CMYA5: variants seen among roughly 807,000 people sequenced by gnomAD.
The protein encoded by CMYA5 is cardiomyopathy associated 5.
In CMYA5, 246 loss-of-function variants were observed where a neutral mutation model predicts 318.9. The ratio of observed to expected loss-of-function variants is 0.77; its 90% CI spans 0.70 to 0.86. CMYA5 has a LOEUF of 0.86. CMYA5 is among the 40% of genes least tolerant of loss of function. The pLI is 0.00. For missense variants in CMYA5, 4,589 were observed against 4,678.2 expected, an observed-to-expected ratio of 0.98 and a Z score of 0.56; for synonymous variants, 1,641 against 1,729.5, an observed-to-expected ratio of 0.95 and a Z score of 1.27.
rs1411560491 is a variant in CMYA5 at position 79,733,713 on chromosome 5, G to GGATC, written c.4949_4952dup (p.Gly1653HisfsTer12). On this transcript the variant is annotated frameshift_variant, in exon 2 of 13. Transcript: ENST00000446378. LOFTEE classifies it high-confidence loss of function. ...TTCTAGTGATTTAGGTAGACAAAGT[G>GGATC]GATCCATAGGTACAAAACAAGCAAA... The GGATC allele has an allele frequency of 1.2e-6, 2 of 1,613,678 alleles. No homozygotes were observed. The highest frequency in any genetic ancestry group is 1.7e-6 in the Non-Finnish European group (2 of 1,179,820).
chr5:79,784,603 T>C (rs1207584946), intron 9 of CMYA5, among the ~76,000 whole-genome samples: 2 of 88,456 alleles, frequency 2.3e-5, no homozygotes, highest in Admixed American at 1.2e-4. Flanking sequence ...GAGCCAGGTG[T>C]GGGATATAGT....
chr5:79,729,817 C>G lies in CMYA5; in HGVS notation c.1052C>G (p.Ala351Gly), dbSNP rs748580571. The G allele has an allele frequency of 5.6e-6, 9 of 1,613,480 alleles. No individual in the cohort carries two copies. The South Asian group carries it at 9.9e-5, about 18-fold the overall frequency. ...TVPSYSSSGR[A>G]EQGIQLRHSQ... ...CCCTCTTATTCAAGTAGTGGCAGAG[C>G]AGAACAAGGAATACAGCTCAGGCAT... Residue 351 changes from alanine to glycine, a missense_variant, in exon 2 of 13, where the codon GCA becomes GGA. Around this residue, in one of 3 missense-constraint regions of CMYA5, gnomAD observed 2,132 missense variants for 2,131.3 expected, o/e 1.00. Coordinates refer to ENST00000446378, the MANE Select transcript of CMYA5 (RefSeq NM_153610.5).
At position 79,734,753 on chromosome 5, in the gene CMYA5, A is replaced by G. The variant is rs1417081613; in HGVS notation, c.5988A>G (p.Leu1996=). 2 of 1,613,840 alleles carry G rather than the reference A, an allele frequency of 1.2e-6. No individual in the cohort carries two copies. Among genetic ancestry groups the G allele is most frequent in the Non-Finnish European group, 1.7e-6 (2 of 1,179,812 alleles). ...CTGAAGAACCAAAGTCTTTAGTCCT[A>G]GCTGGAAATGTAGAGAGAAACATAG... ...KLAEEPKSLV[L]AGNVERNIAE... The change falls in exon 2 of 13, where the codon CTA becomes CTG. Residue 1996 remains leucine, a synonymous_variant. Coordinates refer to ENST00000446378, the MANE Select transcript of CMYA5 (RefSeq NM_153610.5).
intron 1 of CMYA5, among the ~76,000 whole-genome samples, chr5:79,715,817 A>G (rs1827505528): frequency 6.6e-6 from 1 of 152,214 alleles, no homozygotes; most frequent in Non-Finnish European, 1.5e-5. Context: ...CAACTCATAG[A>G]CATTTTTGCA....
chr5:79,798,645 C>A (rs1249345417), intron 12 of CMYA5, among the ~76,000 whole-genome samples: 2 of 152,152 alleles, frequency 1.3e-5, no homozygotes, highest in Non-Finnish European at 2.9e-5. Context: ...CTGCTCCATA[C>A]AGTATGGGAT....
chr5:79,726,960 G>C (rs1000111830), intron 1 of CMYA5, among the ~76,000 whole-genome samples: 1 of 128,206 alleles, frequency 7.8e-6, no homozygotes, highest in African/African-American at 3.4e-5. Flanking sequence ...TTGTCACCCA[G>C]GCTGGAGTGC....
intron 1 of CMYA5, among the ~76,000 whole-genome samples, chr5:79,709,926 G>A (rs947791522): frequency 8.7e-6 from 1 of 114,864 alleles, no homozygotes; most frequent in Non-Finnish European, 1.6e-5. Flanking sequence ...ATGCAACTGA[G>A]CTCCAGCCTG....
rs1333873722 is a variant in CMYA5, at chr5:79,799,725, CTAA to C, written c.*111_*113del. Reference sequence around the variant, plus strand: ...TCAAAAAGTCTCCCGCGCATTTGCACTAATGATGGCTGCATGCATAGCAATCAG... The same window carrying C: ...TCAAAAAGTCTCCCGCGCATTTGCACTGATGGCTGCATGCATAGCAATCAG... On this transcript the variant is annotated 3_prime_UTR_variant, in exon 13 of 13. Coordinates refer to ENST00000446378, the MANE Select transcript of CMYA5 (RefSeq NM_153610.5). 1.4e-6 allele frequency: 2 copies of C among 1,382,078 alleles called. No individual in the cohort carries two copies. The highest frequency in any genetic ancestry group is 2.9e-5 in the African/African-American group (2 of 68,620). The allele number at this position is 1,382,078 out of a possible 1,614,324, so 85.6% of individuals were successfully genotyped here.
intron 10 of CMYA5, among the ~76,000 whole-genome samples, chr5:79,789,888 G>T (rs1262909825): frequency 6.6e-6 from 1 of 152,192 alleles, no homozygotes; most frequent in African/African-American, 2.4e-5. Flanking sequence ...GTTAATGTTT[G>T]TTGAATGAAT....
intron 9 of CMYA5, among the ~76,000 whole-genome samples, chr5:79,787,645 G>A (rs950463036): frequency 9.2e-5 from 14 of 152,150 alleles, no homozygotes; most frequent in African/African-American, 3.4e-4. Context: ...TATGATTCAA[G>A]GAGTTTGCAC....
Position 79,732,565 on chromosome 5 carries a change from A to G in CMYA5, c.3800A>G (p.Glu1267Gly). Residue 1267 changes from glutamate to glycine, a missense_variant, in exon 2 of 13, where the codon GAA (glutamate) becomes GGA (glycine). By Grantham distance (98) the Glu-to-Gly change is moderately conservative. Coordinates refer to ENST00000446378, the MANE Select transcript of CMYA5 (RefSeq NM_153610.5). ...GTTCTAAATGTGACTTCTGAACTAG[A>G]ACAGAGAAAGTTGTCCAAGAATGAG... ...KLVLNVTSEL[E>G]QRKLSKNEPE... 1.2e-6 allele frequency: 2 copies of G among 1,613,054 alleles called. No homozygotes were observed. The highest frequency in any genetic ancestry group is 1.1e-5 in the South Asian group (1 of 90,852).
At chr5:79,790,544 C>G (rs1478289342) in intron 10 of CMYA5, among the ~76,000 whole-genome samples, 1 of 152,210 alleles carries the variant, frequency 6.6e-6, no homozygotes, top group Non-Finnish European at 1.5e-5. Flanking sequence ...GCTGGGATTA[C>G]AGGCGTGAGC....
In CMYA5 at chr5:79,799,660, G is replaced by A. The variant is rs114415274; in HGVS notation, c.*44G>A. 2,685 of 1,573,656 alleles carry A rather than the reference G, an allele frequency of 1.7e-3. 38 individuals are homozygous for A. In the African/African-American group the frequency reaches 0.032, roughly 19 times the overall value. ...TGCAAGAACAGCGATTTGAATTTTGGGGGGGTCTGCTGTTCATTCCTTTAG... is the reference window on the plus strand; with the variant it reads ...TGCAAGAACAGCGATTTGAATTTTGAGGGGGTCTGCTGTTCATTCCTTTAG... On this transcript the variant is annotated 3_prime_UTR_variant, in exon 13 of 13. Coordinates refer to ENST00000446378, the MANE Select transcript of CMYA5 (RefSeq NM_153610.5).
At chr5:79,756,140 A>T (rs1392094924) in intron 6 of CMYA5, among the ~76,000 whole-genome samples, 1 of 128,582 alleles carries the variant, frequency 7.8e-6, no homozygotes, top group African/African-American at 2.8e-5. Flanking sequence ...TTCTGGACAG[A>T]CTTATTTAGA....
chr5:79,754,034 A>T (rs1219495405), intron 6 of CMYA5, among the ~76,000 whole-genome samples: 1 of 152,228 alleles, frequency 6.6e-6, no homozygotes, highest in Admixed American at 6.5e-5. Flanking sequence ...GAGGTCACAG[A>T]GTTAAAATGT....
intron 6 of CMYA5, among the ~76,000 whole-genome samples, chr5:79,756,497 A>G (rs1580789600): frequency 6.6e-6 from 1 of 152,124 alleles, no homozygotes; most frequent in South Asian, 2.1e-4. Flanking sequence ...AGGTAATACT[A>G]TTATTATTGT....
chr5:79,715,104 G>A (rs1827487353), intron 1 of CMYA5, among the ~76,000 whole-genome samples: 1 of 152,182 alleles, frequency 6.6e-6, no homozygotes, highest in Admixed American at 6.5e-5. Context: ...TTATGTATGT[G>A]TATATGGAGG....
At chr5:79,711,054 C>T (rs1300458333) in intron 1 of CMYA5, among the ~76,000 whole-genome samples, 3 of 152,164 alleles carry the variant, frequency 2.0e-5, no homozygotes, top group African/African-American at 4.8e-5. Flanking sequence ...TGAGGTTTTA[C>T]AAGTCAGAAA....
Position 79,731,756 on chromosome 5 carries a change from G to A in CMYA5, c.2991G>A (p.Leu997=). 6.2e-7 allele frequency: 1 copy of A among 1,613,772 alleles called. No homozygotes were observed. Among genetic ancestry groups the A allele is most frequent in the Non-Finnish European group, 8.5e-7 (1 of 1,179,792 alleles). ...LSDEDTEEAE[L]FSPDSASQVS... Reference sequence around the variant, plus strand: ...ATGAAGACACTGAAGAAGCGGAACTGTTCTCTCCAGACTCAGCATCACAAG... The same window carrying A: ...ATGAAGACACTGAAGAAGCGGAACTATTCTCTCCAGACTCAGCATCACAAG... Residue 997 remains leucine (L), a synonymous_variant, in exon 2 of 13, where the codon CTG becomes CTA. Transcript: ENST00000446378.
Sources: gnomAD v4.1 joint callset for allele counts (sites outside exome capture counted in the v4.1 genomes callset) on GRCh38, gnomAD v4.1.1 for gene constraint, gnomAD v4.1.1 regional missense constraint, MANE v1.5 for transcripts, NCBI Gene and HGNC (gene_info 2026-07-23, HGNC 2026-07-21) for gene names.